The following OTOGL variants were observed in gnomAD, a reference collection of about 807,000 sequenced individuals.
The protein encoded by OTOGL is otogelin-like protein.
Under a neutral mutation model 318.5 loss-of-function variants are expected in OTOGL, and 285 were observed. That is an observed-to-expected ratio of 0.89 (90% CI 0.81 to 0.99). The LOEUF (loss-of-function observed/expected upper bound fraction) is 0.99. Among genes scored for constraint, OTOGL ranks in the 50% least tolerant of loss-of-function variants. OTOGL has a pLI of 0.00. For synonymous variants in OTOGL, 987 were observed against 936.5 expected, an observed-to-expected ratio of 1.05 and a Z score of -0.99; for missense variants, 2,899 against 2,845.6, an observed-to-expected ratio of 1.02 and a Z score of -0.43.
At chr12:80,360,296 T>C (rs1423654744) in intron 52 of OTOGL, among the ~76,000 whole-genome samples, 1 of 152,002 alleles carries the variant, frequency 6.6e-6, no homozygotes, top group Non-Finnish European at 1.5e-5. Context: ...CTAGCCCTTT[T>C]CTACTTTCTA....
rs200136594 is a variant in OTOGL at position 80,265,089 on chromosome 12, A to C, written c.2103A>C (p.Leu701=). ...IYISPGLYYQ[L]CRHDACKCGS... ...TTAGCCCTGGGCTGTACTATCAGCT[A>C]TGCCGCCACGATGCATGCAAGTGTG... The change falls in exon 20 of 59, where the codon CTA becomes CTC. Residue 701 remains leucine, a synonymous_variant. Transcript: ENST00000547103. 1.4e-5 allele frequency: 23 copies of C among 1,613,782 alleles called. No homozygotes were observed. Among genetic ancestry groups the C allele is most frequent in the Non-Finnish European group, 1.9e-5 (23 of 1,179,866 alleles).
At chr12:80,192,842 C>T (rs1875788361) in intron 1 of OTOGL, among the ~76,000 whole-genome samples, 1 of 151,990 alleles carries the variant, frequency 6.6e-6, no homozygotes, top group Non-Finnish European at 1.5e-5. Context: ...TCATAAAAAT[C>T]CCAGAAGTAA....
At chr12:80,333,808 A>AGGTC (rs1238102832) in intron 38 of OTOGL, among the ~76,000 whole-genome samples, 1 of 152,168 alleles carries the variant, frequency 6.6e-6, no homozygotes, top group Non-Finnish European at 1.5e-5. Flanking sequence ...TAAGAGAGTG[A>AGGTC]ACCAATGTAG....
intron 28 of OTOGL, among the ~76,000 whole-genome samples, chr12:80,304,038 A>G (rs907594446): frequency 2.0e-5 from 3 of 152,156 alleles, no homozygotes; most frequent in Non-Finnish European, 2.9e-5. Context: ...TTCCACTGCT[A>G]TAGTTTTGTC....
At chr12:80,320,398 T>C in intron 33 of OTOGL, 24 bp from the exon 34 acceptor site, 2 of 1,577,684 alleles carry the variant, frequency 1.3e-6, no homozygotes, top group South Asian at 2.3e-5. Flanking sequence ...CTCCTGAGAA[T>C]CCACACTGCT....
chr12:80,156,036 C>T (rs1873092451), intron 1 of OTOGL, among the ~76,000 whole-genome samples: 1 of 152,112 alleles, frequency 6.6e-6, no homozygotes, highest in Non-Finnish European at 1.5e-5. Flanking sequence ...TACTGAGTGT[C>T]AACTTGATTG....
At chr12:80,370,866 G>T in intron 56 of OTOGL, 177 bp downstream of exon 56, 1 of 439,490 alleles carries the variant, frequency 2.3e-6, no homozygotes, top group Non-Finnish European at 3.7e-6. Flanking sequence ...AGTTATATAC[G>T]GCGTTCCAGG....
intron 1 of OTOGL, among the ~76,000 whole-genome samples, chr12:80,145,011 G>A (rs961634952): frequency 2.5e-4 from 38 of 151,426 alleles, no homozygotes; most frequent in African/African-American, 9.1e-4. Flanking sequence ...TAGGTTGCCT[G>A]TTCACTCTGA....
intron 38 of OTOGL, among the ~76,000 whole-genome samples, chr12:80,335,756 T>A (rs533200126): frequency 3.9e-5 from 6 of 152,256 alleles, no homozygotes; most frequent in Middle Eastern, 3.4e-3. Flanking sequence ...CAATCAATAT[T>A]AAGTTAAAGC....
In OTOGL at chr12:80,244,924, T is replaced by C. The variant is rs372115639; in HGVS notation, c.1052+5485T>C. Among the ~76,000 whole-genome samples, 3 of 148,194 alleles carry C rather than the reference T, an allele frequency of 2.0e-5. 1 individual carries two copies. The highest frequency in any genetic ancestry group is 7.9e-5 in the African/African-American group (3 of 37,752). ...GCATTTCTCTGATGGCCAGTGATGATGAGCATTTTTTCATGTGTTTTTTGG... is the reference window on the plus strand; with the variant it reads ...GCATTTCTCTGATGGCCAGTGATGACGAGCATTTTTTCATGTGTTTTTTGG... On this transcript the variant is annotated intron_variant, in intron 11 of 58. Transcript: ENST00000547103.
chr12:80,297,101 A>G, intron 27 of OTOGL, 140 bp downstream of exon 27: 4 of 736,822 alleles, frequency 5.4e-6, no homozygotes, highest in Non-Finnish European at 7.8e-6. Context: ...GCGTGGCTTC[A>G]GTACATTGTG....
In OTOGL at chr12:80,352,431, A is replaced by C. The variant is rs773759905; in HGVS notation, c.5402A>C (p.Tyr1801Ser). 3.2e-6 allele frequency: 5 copies of C among 1,581,906 alleles called. No individual in the cohort carries two copies. Among genetic ancestry groups the C allele is most frequent in the Non-Finnish European group, 3.4e-6 (4 of 1,170,134 alleles). The change falls in exon 45 of 59, where the codon TAC (tyrosine) becomes TCC (serine). Residue 1801 changes from tyrosine to serine, a missense_variant. Physicochemically the swap from Tyr to Ser is moderately radical, Grantham distance 144. Around this residue, in one of 3 missense-constraint regions of OTOGL, gnomAD observed 2,607 missense variants for 2,524.9 expected, o/e 1.03. Coordinates refer to ENST00000547103, the MANE Select transcript of OTOGL (RefSeq NM_001378609.3). ...TGTATTCAGTGGAGAACACCTGATTACTGCTGTGAGTAACTGTTAACTGAA... is the reference window on the plus strand; with the variant it reads ...TGTATTCAGTGGAGAACACCTGATTCCTGCTGTGAGTAACTGTTAACTGAA... Reference protein sequence around the residue: ...DICIQWRTPDYCSLSCPEGKE... With the variant: ...DICIQWRTPDSCSLSCPEGKE...
rs770367014 is a variant in OTOGL, at chr12:80,370,650, A to G, written c.6696A>G (p.Thr2232=). ...AAGGAGCAATAATTCTGAACTACACAATGGTCTGTCCCCCTTTTAATGAGA... is the reference window on the plus strand; with the variant it reads ...AAGGAGCAATAATTCTGAACTACACGATGGTCTGTCCCCCTTTTAATGAGA... ...TDEGAIILNY[T]MVCPPFNETE... Residue 2232 remains threonine, a synonymous_variant, in exon 56 of 59, where the codon ACA becomes ACG. Coordinates refer to ENST00000547103, the MANE Select transcript of OTOGL (RefSeq NM_001378609.3). 1.3e-5 allele frequency: 20 copies of G among 1,595,990 alleles called. No homozygotes were observed. Among genetic ancestry groups the G allele is most frequent in the South Asian group, 1.1e-5 (1 of 88,664 alleles).
chr12:80,277,244 A>C, intron 24 of OTOGL, among the ~76,000 whole-genome samples: 2 of 146,856 alleles, frequency 1.4e-5, no homozygotes, highest in Middle Eastern at 7.6e-3. Context: ...ATTTATAATT[A>C]ATTACAAAAT....
intron 35 of OTOGL, among the ~76,000 whole-genome samples, chr12:80,327,517 T>C (rs764370188): frequency 4.7e-4 from 71 of 152,094 alleles, no homozygotes; most frequent in Non-Finnish European, 6.8e-4. Context: ...CCCTTCCACC[T>C]AGAGATCACT....
At chr12:80,242,340 C>A (rs371906669) in intron 11 of OTOGL, among the ~76,000 whole-genome samples, 3 of 152,060 alleles carry the variant, frequency 2.0e-5, no homozygotes, top group African/African-American at 7.2e-5. Flanking sequence ...TTAAGAGATA[C>A]CTTTGTGGTA....
At chr12:80,181,103 T>G (rs896792351) in intron 1 of OTOGL, among the ~76,000 whole-genome samples, 81 of 152,214 alleles carry the variant, frequency 5.3e-4, no homozygotes, top group African/African-American at 1.9e-3. Flanking sequence ...GCTCCATTAT[T>G]ATGAGCATGA....
At chr12:80,354,170 A>T (rs1889732019) in intron 46 of OTOGL, among the ~76,000 whole-genome samples, 1 of 152,186 alleles carries the variant, frequency 6.6e-6, no homozygotes, top group Admixed American at 6.5e-5. Flanking sequence ...AGACTAGATT[A>T]GTTCTAGCAG....
intron 6 of OTOGL, 74 bp downstream of exon 6, chr12:80,219,986 A>C: frequency 1.9e-6 from 2 of 1,064,604 alleles, no homozygotes; most frequent in Non-Finnish European, 1.4e-6. Flanking sequence ...TGCTATAATA[A>C]TGTTCATCCA....
Sources: allele counts gnomAD v4.1 joint callset (sites outside exome capture counted in the v4.1 genomes callset), GRCh38; gene constraint gnomAD v4.1.1; regional missense constraint gnomAD v4.1.1; transcripts MANE v1.5; gene names NCBI Gene and HGNC (gene_info 2026-07-23, HGNC 2026-07-21).